Variants in ISCA2 observed in about 807,000 individuals in gnomAD.
ISCA2 encodes the protein iron-sulfur cluster assembly 2 homolog, mitochondrial.
Under a neutral mutation model 19.1 loss-of-function variants are expected in ISCA2, and 21 were observed. That is an observed-to-expected ratio of 1.10 (90% CI 0.78 to 1.59). The LOEUF (loss-of-function observed/expected upper bound fraction) is 1.59, where lower values mean the gene tolerates loss of function less well. ISCA2 is among the 40% of genes most tolerant of loss of function. ISCA2 has a pLI of 0.00. For synonymous variants in ISCA2, 107 were observed against 83.8 expected, an observed-to-expected ratio of 1.28 and a Z score of -1.51; for missense variants, 181 against 191.7, an observed-to-expected ratio of 0.94 and a Z score of 0.33.
chr14:74,494,235 C>G, intron 2 of ISCA2, 40 bp from the exon 3 acceptor site: 5 of 1,599,524 alleles, frequency 3.1e-6, no homozygotes, highest in Non-Finnish European at 4.3e-6. Context: ...CCTTTAACTC[C>G]CGTTTCCCGC....
At position 74,496,142 on chromosome 14, in the gene ISCA2, C is replaced by T. The variant is rs866106420; in HGVS notation, c.*1142C>T. The T allele has an allele frequency of 3.9e-5, 6 of 152,132 alleles. No individual in the cohort carries two copies. In the South Asian group the frequency reaches 6.2e-4, roughly 16 times the overall value. 9.4% of individuals were successfully genotyped at this position (152,132 alleles called of 1,614,324 possible). On this transcript the variant is annotated 3_prime_UTR_variant, in exon 4 of 4. Coordinates refer to ENST00000556816, the MANE Select transcript of ISCA2 (RefSeq NM_194279.4). The stretch of plus-strand genomic sequence containing the variant: ...CAGTGAAAGAAATCTACCACCATCA[C>T]CACACCGAATGATTTATTAATACTG...
At position 74,493,928 on chromosome 14, in the gene ISCA2, T is replaced by C; in HGVS notation, c.71+83T>C. 1.3e-6 allele frequency: 2 copies of C among 1,482,476 alleles called. No homozygotes were observed. Among genetic ancestry groups the C allele is most frequent in the African/African-American group, 2.8e-5 (2 of 71,514 alleles). The allele number at this position is 1,482,476 out of a possible 1,614,324, so 91.8% of individuals were successfully genotyped here. ...ATGGGAAACTAAGGCCTGTGGGGGA[T>C]GCGAGGGTTTGGTGGGAGGCCGTCC... is the stretch of plus-strand genomic sequence containing the variant. On this transcript the variant is annotated intron_variant, in intron 1 of 3. Coordinates refer to ENST00000556816, the MANE Select transcript of ISCA2 (RefSeq NM_194279.4). The surrounding 1 kb of genome is among the most constrained non-coding windows in gnomAD (Gnocchi z 4.1).
Position 74,494,150 on chromosome 14 carries a change from C to T in ISCA2, c.172C>T (p.Gln58Ter), listed in dbSNP as rs941559644. 1.3e-6 allele frequency: 2 copies of T among 1,588,574 alleles called. No homozygotes were observed. The highest frequency in any genetic ancestry group is 2.3e-5 in the East Asian group (1 of 43,426). Reference protein sequence around the residue: ...GQIRLTDSCVQRLLEITEGSE... With the variant: ...GQIRLTDSCV The stretch of plus-strand genomic sequence containing the variant: ...GATCCGCCTCACAGACAGTTGCGTC[C>T]AGGTAGGAGGCCGGACGCGGAGCGG... Residue 58 changes from glutamine (Q) to a stop codon, truncating the protein, a stop_gained and splice_region_variant, in exon 2 of 4, where the codon CAG becomes TAG. Transcript: ENST00000556816. LOFTEE classifies it high-confidence loss of function.
intron 2 of ISCA2, 36 bp downstream of exon 2, chr14:74,494,188 G>A (rs926646132): frequency 1.3e-6 from 2 of 1,574,592 alleles, no homozygotes; most frequent in African/African-American, 1.4e-5. Context: ...GTACCCAGGC[G>A]ATTGGCGGGA....
Position 74,496,889 on chromosome 14 carries a change from G to GCACA in ISCA2, c.*1891_*1892insCACA, listed in dbSNP as rs1555346757. ...CCAGCACTTTGGGAGGCCAAAGCAG[G>GCACA]CAGATCACCTGAGGTCAGGAGTTTG... On this transcript the variant is annotated 3_prime_UTR_variant, in exon 4 of 4. Transcript: ENST00000556816. The GCACA allele has an allele frequency of 6.6e-6, 1 of 151,996 alleles. No homozygotes were observed. Among genetic ancestry groups the GCACA allele is most frequent in the East Asian group, 1.9e-4 (1 of 5,162 alleles). 9.4% of individuals were successfully genotyped at this position (151,996 alleles called of 1,614,324 possible). A position where few individuals can be genotyped will look rare whatever the true frequency, so the allele number is the denominator to read the frequency against.
Position 74,495,061 on chromosome 14 carries a change from A to T in ISCA2, c.*61A>T. Reference sequence around the variant, plus strand: ...GTACCAATTTGAAGAACCTGGAATTAGTAGAATTCTAGAAGTTTACTTCTA... The same window carrying T: ...GTACCAATTTGAAGAACCTGGAATTTGTAGAATTCTAGAAGTTTACTTCTA... On this transcript the variant is annotated 3_prime_UTR_variant, in exon 4 of 4. Transcript: ENST00000556816. 1.6e-6 allele frequency: 2 copies of T among 1,252,454 alleles called. No homozygotes were observed. Among genetic ancestry groups the T allele is most frequent in the Non-Finnish European group, 2.3e-6 (2 of 869,508 alleles). The allele number at this position is 1,252,454 out of a possible 1,614,324, so 77.6% of individuals were successfully genotyped here.
At position 74,494,100 on chromosome 14, in the gene ISCA2, C is replaced by G; in HGVS notation, c.122C>G (p.Ser41Cys). 1 of 1,571,924 alleles carries G rather than the reference C, an allele frequency of 6.4e-7. No homozygotes were observed. Among genetic ancestry groups the G allele is most frequent in the Middle Eastern group, 1.7e-4 (1 of 6,020 alleles). Residue 41 changes from serine (S) to cysteine (C), a missense_variant, in exon 2 of 4, where the codon TCC becomes TGC. By Grantham distance (112) the Ser-to-Cys change is moderately radical. Transcript: ENST00000556816. ...GPQARREASS[S>C]SPEAGEGQIR... ...CAGGCGCGTCGGGAGGCGTCGTCCT[C>G]CAGCCCCGAGGCCGGCGAAGGGCAG...
At chr14:74,494,438 A>T (rs2086822720) in intron 3 of ISCA2, 48 bp downstream of exon 3, 1 of 1,332,742 alleles carries the variant, frequency 7.5e-7, no homozygotes, top group South Asian at 1.2e-5. Flanking sequence ...GAGGGACAAA[A>T]GTGTCTCCAG....
intron 2 of ISCA2, 24 bp downstream of exon 2, chr14:74,494,176 C>G: frequency 6.3e-7 from 1 of 1,585,668 alleles, no homozygotes; most frequent in Non-Finnish European, 8.6e-7. Flanking sequence ...CGCGGAGCGG[C>G]GGTACCCAGG....
At position 74,494,132 on chromosome 14, in the gene ISCA2, C is replaced by T. The variant is rs760723089; in HGVS notation, c.154C>T (p.Leu52Phe). ...CGAGGCCGGCGAAGGGCAGATCCGCCTCACAGACAGTTGCGTCCAGGTAGG... is the reference window on the plus strand; with the variant it reads ...CGAGGCCGGCGAAGGGCAGATCCGCTTCACAGACAGTTGCGTCCAGGTAGG... ...SPEAGEGQIR[L>F]TDSCVQRLLE... Residue 52 changes from leucine (L) to phenylalanine (F), a missense_variant, in exon 2 of 4, where the codon CTC becomes TTC. Coordinates refer to ENST00000556816, the MANE Select transcript of ISCA2 (RefSeq NM_194279.4). 3.8e-6 allele frequency: 6 copies of T among 1,587,242 alleles called. No individual in the cohort carries two copies. In the Admixed American group the frequency reaches 8.9e-5, roughly 24 times the overall value.
chr14:74,493,958 G>A lies in ISCA2; in HGVS notation c.72-92G>A, dbSNP rs1042623053. ...GGGTTTGGTGGGAGGCCGTCCAGGTGGGGGTCGCCAGGTTTAGCGTGAGGC... is the reference window on the plus strand; with the variant it reads ...GGGTTTGGTGGGAGGCCGTCCAGGTAGGGGTCGCCAGGTTTAGCGTGAGGC... On this transcript the variant is annotated intron_variant, in intron 1 of 3. Coordinates refer to ENST00000556816, the MANE Select transcript of ISCA2 (RefSeq NM_194279.4). The surrounding 1 kb of genome is among the most constrained non-coding windows in gnomAD (Gnocchi z 4.1). 50 of 1,464,402 alleles carry A rather than the reference G, an allele frequency of 3.4e-5. No homozygotes were observed. The highest frequency in any genetic ancestry group is 4.6e-5 in the Non-Finnish European group (49 of 1,073,928). 90.7% of individuals were successfully genotyped at this position (1,464,402 alleles called of 1,614,324 possible). A position where few individuals can be genotyped will look rare whatever the true frequency, so the allele number is the denominator to read the frequency against.
Position 74,494,261 on chromosome 14 carries a change from T to G in ISCA2, c.175-14T>G. ...CGTTTCCCGCTATTCTTGATCCCCCTTCCTGCATTTCAGAGGCTTTTGGAA... is the reference window on the plus strand; with the variant it reads ...CGTTTCCCGCTATTCTTGATCCCCCGTCCTGCATTTCAGAGGCTTTTGGAA... On this transcript the variant is annotated splice_polypyrimidine_tract_variant and intron_variant, in intron 2 of 3. Coordinates refer to ENST00000556816, the MANE Select transcript of ISCA2 (RefSeq NM_194279.4). 6.2e-7 allele frequency: 1 copy of G among 1,610,184 alleles called. No individual in the cohort carries two copies. Among genetic ancestry groups the G allele is most frequent in the Non-Finnish European group, 8.5e-7 (1 of 1,176,366 alleles).
chr14:74,494,829 AT>A lies in ISCA2; in HGVS notation c.297del (p.Phe99LeufsTer18), dbSNP rs778755775. On this transcript the variant is annotated frameshift_variant, in exon 4 of 4. Transcript: ENST00000556816. LOFTEE classifies it high-confidence loss of function. ...DTVINPDDRV[F>X]EQGGARVVVD... ...TGCCTTCCTCCTGTCTTTTCAGGGT[AT>A]TTGAACAGGGTGGGGCAAGAGTGGT... 6.6e-5 allele frequency: 107 copies of A among 1,613,716 alleles called. No homozygotes were observed. Among genetic ancestry groups the A allele is most frequent in the Non-Finnish European group, 8.8e-5 (104 of 1,179,840 alleles).
Position 74,493,984 on chromosome 14 carries a change from G to T in ISCA2, c.72-66G>T. ...GGGGTCGCCAGGTTTAGCGTGAGGC[G>T]CTCCAGGTCGAGGGTTGCAAGGTGC... On this transcript the variant is annotated intron_variant, in intron 1 of 3. Transcript: ENST00000556816. The surrounding 1 kb of genome is among the most constrained non-coding windows in gnomAD (Gnocchi z 4.1). 2 of 1,484,794 alleles carry T rather than the reference G, an allele frequency of 1.3e-6. No individual in the cohort carries two copies. The highest frequency in any genetic ancestry group is 1.2e-5 in the South Asian group (1 of 82,844). The allele number at this position is 1,484,794 out of a possible 1,614,324, so 92.0% of individuals were successfully genotyped here. A position where few individuals can be genotyped will look rare whatever the true frequency, so the allele number is the denominator to read the frequency against.
rs536370863 is a variant in ISCA2 at position 74,495,100 on chromosome 14, C to T, written c.*100C>T. The T allele has an allele frequency of 5.7e-6, 5 of 870,086 alleles. No individual in the cohort carries two copies. In the East Asian group the frequency reaches 1.2e-4, roughly 21 times the overall value. 53.9% of individuals were successfully genotyped at this position (870,086 alleles called of 1,614,324 possible). A position where few individuals can be genotyped will look rare whatever the true frequency, so the allele number is the denominator to read the frequency against. The stretch of plus-strand genomic sequence containing the variant: ...AGTTTACTTCTAATCATGTCCCTCT[C>T]AATTTTATTTCCCGCAGTCCAGGAG... On this transcript the variant is annotated 3_prime_UTR_variant, in exon 4 of 4. Transcript: ENST00000556816.
Position 74,494,725 on chromosome 14 carries a change from C to T in ISCA2, c.291-101C>T, listed in dbSNP as rs934223321. ...ACCTGTTAAAGGTAATGGGGAAGCT[C>T]CCTCTGTACTTTAGAAAACAGAGGA... On this transcript the variant is annotated intron_variant, in intron 3 of 3. Coordinates refer to ENST00000556816, the MANE Select transcript of ISCA2 (RefSeq NM_194279.4). The T allele has an allele frequency of 1.4e-5, 14 of 1,002,642 alleles. No individual in the cohort carries two copies. In the African/African-American group the frequency reaches 2.1e-4, roughly 15 times the overall value. 62.1% of individuals were successfully genotyped at this position (1,002,642 alleles called of 1,614,324 possible). A position where few individuals can be genotyped will look rare whatever the true frequency, so the allele number is the denominator to read the frequency against.
Position 74,493,796 on chromosome 14 carries a change from T to C in ISCA2, c.22T>C (p.Ser8Pro). ...GAAGATGGCTGCCGCCTGGGGGTCG[T>C]CCCTAACGGCCGCGACGCAGAGAGC... is the stretch of plus-strand genomic sequence containing the variant. MAAAWGS[S>P]LTAATQRAVT... Residue 8 changes from serine (S) to proline (P), a missense_variant, in exon 1 of 4, where the codon TCC (serine) becomes CCC (proline). By Grantham distance (74) the Ser-to-Pro change is moderately conservative. Transcript: ENST00000556816. The surrounding 1 kb of genome is among the most constrained non-coding windows in gnomAD (Gnocchi z 4.1). 2 of 1,535,750 alleles carry C rather than the reference T, an allele frequency of 1.3e-6. No individual in the cohort carries two copies. Among genetic ancestry groups the C allele is most frequent in the East Asian group, 2.3e-5 (1 of 42,670 alleles).
In ISCA2 at chr14:74,494,080, G is replaced by T. The variant is rs369516250; in HGVS notation, c.102G>T (p.Ala34=). ...RLLTASLGPQ[A]RREASSSSPE... Reference sequence around the variant, plus strand: ...TCACGGCCTCCCTGGGACCCCAGGCGCGTCGGGAGGCGTCGTCCTCCAGCC... The same window carrying T: ...TCACGGCCTCCCTGGGACCCCAGGCTCGTCGGGAGGCGTCGTCCTCCAGCC... Residue 34 remains alanine, a synonymous_variant, in exon 2 of 4, where the codon GCG becomes GCT. Transcript: ENST00000556816. 3 of 1,554,084 alleles carry T rather than the reference G, an allele frequency of 1.9e-6. No individual in the cohort carries two copies. The African/African-American group carries it at 4.1e-5, about 21-fold the overall frequency.
chr14:74,493,947 G>A lies in ISCA2; in HGVS notation c.71+102G>A. 1 of 1,468,358 alleles carries A rather than the reference G, an allele frequency of 6.8e-7. No homozygotes were observed. Among genetic ancestry groups the A allele is most frequent in the Non-Finnish European group, 9.3e-7 (1 of 1,076,378 alleles). 91.0% of individuals were successfully genotyped at this position (1,468,358 alleles called of 1,614,324 possible). On this transcript the variant is annotated intron_variant, in intron 1 of 3. Coordinates refer to ENST00000556816, the MANE Select transcript of ISCA2 (RefSeq NM_194279.4). The surrounding 1 kb of genome is among the most constrained non-coding windows in gnomAD (Gnocchi z 4.1). ...GGGGGATGCGAGGGTTTGGTGGGAG[G>A]CCGTCCAGGTGGGGGTCGCCAGGTT... is the stretch of plus-strand genomic sequence containing the variant.
Sources: allele counts gnomAD v4.1 joint callset, GRCh38; gene constraint gnomAD v4.1.1; non-coding constraint Gnocchi (gnomAD v3.1); transcripts MANE v1.5; gene names NCBI Gene and HGNC (gene_info 2026-07-23, HGNC 2026-07-21).